CDK6: variants seen among roughly 807,000 people sequenced by gnomAD.
CDK6 encodes cyclin dependent kinase 6.
Under a neutral mutation model 37.1 loss-of-function variants are expected in CDK6, and 6 were observed. The observed-to-expected ratio is 0.16, with a 90% CI of 0.09 to 0.32. The LOEUF (loss-of-function observed/expected upper bound fraction) is 0.32, where lower values mean the gene tolerates loss of function less well. CDK6 is among the 10% of genes least tolerant of loss of function. The pLI, the probability that CDK6 is intolerant of heterozygous loss-of-function variation, is 1.00. For synonymous variants in CDK6, 160 were observed against 161.3 expected (o/e 0.99, Z 0.06); for missense variants, 224 against 418.9 (o/e 0.53, Z 4.06).
chr7:92,663,317 C>T (rs1230580395), intron 5 of CDK6, among the ~76,000 whole-genome samples: 1 of 152,096 alleles, frequency 6.6e-6, no homozygotes, highest in African/African-American at 2.4e-5. Context: ...AGAGATGCCG[C>T]CACAGGGAAA....
intron 4 of CDK6, among the ~76,000 whole-genome samples, chr7:92,682,481 G>T (rs1024179459): frequency 4.6e-5 from 7 of 152,184 alleles, no homozygotes; most frequent in Admixed American, 4.6e-4. Context: ...TCCTCCGCAA[G>T]CATAAATGAT....
chr7:92,716,603 A>G (rs530907210), intron 4 of CDK6, among the ~76,000 whole-genome samples: 173 of 152,310 alleles, frequency 1.1e-3, no homozygotes, highest in African/African-American at 4.0e-3. Context: ...ATCAAAGCCT[A>G]AGCAAAATAT....
intron 3 of CDK6, among the ~76,000 whole-genome samples, chr7:92,728,356 T>C (rs1443077735): frequency 6.6e-6 from 1 of 152,206 alleles, no homozygotes; most frequent in Non-Finnish European, 1.5e-5. Flanking sequence ...TGTATAAGTA[T>C]ATTTAAGTAA....
At chr7:92,763,619 A>T (rs929848973) in intron 3 of CDK6, among the ~76,000 whole-genome samples, 1 of 152,214 alleles carries the variant, frequency 6.6e-6, no homozygotes, top group African/African-American at 2.4e-5. Context: ...CAGTGCCTTT[A>T]AACAAATTTC....
intron 2 of CDK6, among the ~76,000 whole-genome samples, chr7:92,823,445 A>T (rs911707689): frequency 6.4e-4 from 2 of 3,118 alleles, no homozygotes; most frequent in South Asian, 0.036. Context: ...TTAATATGTA[A>T]AAAAAAAAAA....
chr7:92,830,394 G>T (rs1041780595), intron 2 of CDK6, among the ~76,000 whole-genome samples: 7 of 152,160 alleles, frequency 4.6e-5, no homozygotes, highest in Non-Finnish European at 1.0e-4. Context: ...AACTATCTGT[G>T]GGGGAGGGCC....
rs1795538170 is a variant in CDK6 at position 92,610,477 on chromosome 7, T to C, written c.*4663A>G. On this transcript the variant is annotated 3_prime_UTR_variant, in exon 8 of 8. Transcript: ENST00000424848. The stretch of plus-strand genomic sequence containing the variant: ...AAATTGGACCCCTTCTGTTTTTACA[T>C]TTCTGTTGCTTACAAAGGTCAGAAG... 8.7e-6 allele frequency: 2 copies of C among 230,626 alleles called. No individual in the cohort carries two copies. The highest frequency in any genetic ancestry group is 8.6e-6 in the Non-Finnish European group (1 of 116,468). The allele number at this position is 230,626 out of a possible 1,614,324, so 14.3% of individuals were successfully genotyped here.
chr7:92,741,255 A>C (rs1207433293), intron 3 of CDK6, among the ~76,000 whole-genome samples: 2 of 152,200 alleles, frequency 1.3e-5, no homozygotes, highest in African/African-American at 2.4e-5. Context: ...TGACAAAACA[A>C]GAGATATATG....
chr7:92,813,268 G>A (rs1005569708), intron 2 of CDK6, among the ~76,000 whole-genome samples: 2 of 152,128 alleles, frequency 1.3e-5, no homozygotes, highest in Non-Finnish European at 2.9e-5. Context: ...AAAAGAAGAT[G>A]GAGGTGAAAA....
rs1467755277 is a variant in CDK6 at position 92,835,549 on chromosome 7, A to G, written c.-368+929T>C. Among the ~76,000 whole-genome samples, 1 of 152,150 alleles carries G rather than the reference A, an allele frequency of 6.6e-6. No homozygotes were observed. Among genetic ancestry groups the G allele is most frequent in the East Asian group, 1.9e-4 (1 of 5,190 alleles). On this transcript the variant is annotated intron_variant, in intron 1 of 7. Coordinates refer to ENST00000424848, the MANE Select transcript of CDK6 (RefSeq NM_001145306.2). The surrounding 1 kb of genome is among the most constrained non-coding windows in gnomAD (Gnocchi z 4.2). The stretch of plus-strand genomic sequence containing the variant: ...GACCCCATTTCAAAAAAAGTTTGAC[A>G]TAGTGCTTCAACATTTCCGCATTCC...
intron 4 of CDK6, among the ~76,000 whole-genome samples, chr7:92,685,551 A>G (rs931817462): frequency 6.6e-6 from 1 of 152,204 alleles, no homozygotes; most frequent in Non-Finnish European, 1.5e-5. Context: ...TATCCTGGAA[A>G]CTGTTAGGGC....
chr7:92,652,167 T>C (rs1481608824), intron 5 of CDK6, among the ~76,000 whole-genome samples: 1 of 152,222 alleles, frequency 6.6e-6, no homozygotes, highest in Non-Finnish European at 1.5e-5. Context: ...AGTAGAGAAA[T>C]GCATGTTAAG....
chr7:92,691,817 G>C (rs1443197643), intron 4 of CDK6, among the ~76,000 whole-genome samples: 1 of 152,190 alleles, frequency 6.6e-6, no homozygotes, highest in Non-Finnish European at 1.5e-5. Context: ...TGAGTACTGA[G>C]ACACAGATGT....
intron 3 of CDK6, among the ~76,000 whole-genome samples, chr7:92,739,859 A>G (rs1289091582): frequency 6.6e-6 from 1 of 152,140 alleles, no homozygotes; most frequent in African/African-American, 2.4e-5. Flanking sequence ...GGCACAAGCA[A>G]TGCTCCTTCC....
intron 5 of CDK6, among the ~76,000 whole-genome samples, chr7:92,663,146 A>C (rs1430312756): frequency 2.0e-5 from 3 of 152,102 alleles, no homozygotes; most frequent in Non-Finnish European, 4.4e-5. Context: ...ATGGCTTGGG[A>C]AGTAAGAGGG....
At chr7:92,802,431 A>C (rs1800604314) in intron 2 of CDK6, among the ~76,000 whole-genome samples, 1 of 152,160 alleles carries the variant, frequency 6.6e-6, no homozygotes, top group Non-Finnish European at 1.5e-5. Flanking sequence ...ATTCCAATAC[A>C]TCCTTCTGGG....
chr7:92,732,649 G>A (rs2115588795), intron 3 of CDK6, among the ~76,000 whole-genome samples: 2 of 152,284 alleles, frequency 1.3e-5, no homozygotes, highest in South Asian at 4.1e-4. Context: ...CCTGGTCCAG[G>A]CCAATGAAGG....
intron 4 of CDK6, among the ~76,000 whole-genome samples, chr7:92,721,912 C>T (rs1187923163): frequency 1.3e-5 from 2 of 152,116 alleles, no homozygotes; most frequent in African/African-American, 4.8e-5. Flanking sequence ...GAAAGCTTAC[C>T]TGTCTAGAAC....
intron 3 of CDK6, among the ~76,000 whole-genome samples, chr7:92,750,464 C>T (rs1799162908): frequency 6.6e-6 from 1 of 152,124 alleles, no homozygotes; most frequent in African/African-American, 2.4e-5. Flanking sequence ...TTGTGGATTC[C>T]ACTTTGATCA....
Sources: gnomAD v4.1 joint callset for allele counts (sites outside exome capture counted in the v4.1 genomes callset) on GRCh38, gnomAD v4.1.1 for gene constraint, Gnocchi (gnomAD v3.1) non-coding constraint, MANE v1.5 for transcripts, NCBI Gene and HGNC (gene_info 2026-07-23, HGNC 2026-07-21) for gene names.